The following EML4 variants were observed in gnomAD, a reference collection of about 807,000 sequenced individuals.
EML4 encodes the protein echinoderm microtubule-associated protein-like 4.
In EML4, 72 loss-of-function variants were observed where a neutral mutation model predicts 129.0. The ratio of observed to expected loss-of-function variants is 0.56; its 90% CI spans 0.46 to 0.68. EML4 has a LOEUF of 0.68. Ranked by LOEUF, EML4 falls within the 30% of genes least tolerant of loss-of-function variation. EML4 has a pLI of 0.00. For synonymous variants in EML4, 532 were observed against 405.0 expected (o/e 1.31, Z -3.77); for missense variants, 1,363 against 1,190.6 (o/e 1.14, Z -2.13).
chr2:42,300,890 C>T (rs1352658350), intron 13 of EML4, among the ~76,000 whole-genome samples: 1 of 152,066 alleles, frequency 6.6e-6, no homozygotes, highest in Admixed American at 6.6e-5. Context: ...AGAGTGACAC[C>T]TACCCTAGCT....
At chr2:42,181,923 A>T (rs1334856409) in intron 1 of EML4, among the ~76,000 whole-genome samples, 1 of 152,142 alleles carries the variant, frequency 6.6e-6, no homozygotes, top group East Asian at 1.9e-4. Context: ...AAAATTAAGG[A>T]ATATATTTAT....
chr2:42,295,832 A>G (rs1240794215), intron 13 of EML4, among the ~76,000 whole-genome samples: 1 of 152,216 alleles, frequency 6.6e-6, no homozygotes, highest in African/African-American at 2.4e-5. Context: ...TGGTTCTGGG[A>G]TATCTGTTAG....
intron 1 of EML4, among the ~76,000 whole-genome samples, chr2:42,233,350 G>C (rs891618306): frequency 2.6e-5 from 4 of 150,958 alleles, no homozygotes; most frequent in African/African-American, 7.3e-5. Context: ...CTGTCGCCCA[G>C]GCTGGAGTGC....
At chr2:42,179,854 GC>G (rs1372640060) in intron 1 of EML4, among the ~76,000 whole-genome samples, 2 of 152,150 alleles carry the variant, frequency 1.3e-5, no homozygotes, top group Non-Finnish European at 2.9e-5. Flanking sequence ...CACCCACCTA[GC>G]CTCCCAAAGT....
intron 1 of EML4, among the ~76,000 whole-genome samples, chr2:42,208,522 C>A (rs1672695003): frequency 6.6e-6 from 1 of 151,080 alleles, no homozygotes; most frequent in South Asian, 2.1e-4. Context: ...GCAACCTCCG[C>A]CCTCTGAGTT....
At position 42,261,258 on chromosome 2, in the gene EML4, A is replaced by T; in HGVS notation, c.476A>T (p.Gln159Leu). ...TCACAACCTCTCCAAATACACAGAC[A>T]AACTCCAGAAAGCAAGAATGCTACT... Reference protein sequence around the residue: ...PSSQPLQIHRQTPESKNATPT... With the variant: ...PSSQPLQIHRLTPESKNATPT... Residue 159 changes from glutamine to leucine, a missense_variant, in exon 4 of 23, where the codon CAA becomes CTA. Coordinates refer to ENST00000318522, the MANE Select transcript of EML4 (RefSeq NM_019063.5). 1 of 1,613,846 alleles carries T rather than the reference A, an allele frequency of 6.2e-7. No individual in the cohort carries two copies. The highest frequency in any genetic ancestry group is 8.5e-7 in the Non-Finnish European group (1 of 1,179,824).
chr2:42,317,670 T>TAGC, intron 19 of EML4, 146 bp downstream of exon 19: 1 of 591,908 alleles, frequency 1.7e-6, no homozygotes, highest in Non-Finnish European at 3.0e-6. Context: ...TAATACATGA[T>TAGC]AGCAGAACAT....
At chr2:42,182,491 C>A (rs10178087) in intron 1 of EML4, among the ~76,000 whole-genome samples, 21,883 of 152,016 alleles carry the variant, frequency 0.14, 1,595 homozygotes, top group East Asian at 0.18. Flanking sequence ...CCGTACTGTG[C>A]TGCTCCTCTG....
intron 2 of EML4, among the ~76,000 whole-genome samples, chr2:42,251,730 A>T (rs559885818): frequency 1.1e-4 from 16 of 152,334 alleles, no homozygotes; most frequent in African/African-American, 3.4e-4. Context: ...TAAATAGAAG[A>T]TTTGGGATAT....
intron 1 of EML4, among the ~76,000 whole-genome samples, chr2:42,234,102 C>T (rs535796018): frequency 5.9e-5 from 9 of 152,238 alleles, no homozygotes; most frequent in Admixed American, 1.3e-4. Flanking sequence ...ATCCTGCCTG[C>T]TTTTGCCTGT....
chr2:42,232,398 A>T (rs1004074407), intron 1 of EML4, among the ~76,000 whole-genome samples: 1 of 152,196 alleles, frequency 6.6e-6, no homozygotes, highest in Non-Finnish European at 1.5e-5. Context: ...GGGTCCATTT[A>T]TTGTAAAGAA....
intron 2 of EML4, among the ~76,000 whole-genome samples, chr2:42,248,003 T>A (rs1368168603): frequency 1.3e-5 from 2 of 152,166 alleles, no homozygotes; most frequent in South Asian, 2.1e-4. Flanking sequence ...TTAGTTTTTT[T>A]AAACTTTTTT....
At position 42,326,217 on chromosome 2, in the gene EML4, C is replaced by T. The variant is rs150527843; in HGVS notation, c.2306C>T (p.Thr769Met). 113 of 1,612,846 alleles carry T rather than the reference C, an allele frequency of 7.0e-5. No homozygotes were observed. Among genetic ancestry groups the T allele is most frequent in the Middle Eastern group, 1.6e-4 (1 of 6,080 alleles). Residue 769 changes from threonine to methionine, a missense_variant, in exon 21 of 23, where the codon ACG becomes ATG. Coordinates refer to ENST00000318522, the MANE Select transcript of EML4 (RefSeq NM_019063.5). ...TCGGATTGTAAGGACATTGATTGGA[C>T]GACATATACCTGTGTGCTAGGATTT... is the stretch of plus-strand genomic sequence containing the variant. Reference protein sequence around the residue: ...NRSDCKDIDWTTYTCVLGFQV... With the variant: ...NRSDCKDIDWMTYTCVLGFQV...
intron 1 of EML4, among the ~76,000 whole-genome samples, chr2:42,242,158 T>C (rs949855162): frequency 1.3e-5 from 2 of 152,196 alleles, no homozygotes; most frequent in African/African-American, 4.8e-5. Flanking sequence ...CTTGGCATTA[T>C]AGCCTGATGA....
At chr2:42,182,158 C>CTTTTTTTT (rs36105464) in intron 1 of EML4, among the ~76,000 whole-genome samples, 3 of 126,210 alleles carry the variant, frequency 2.4e-5, no homozygotes, top group Non-Finnish European at 5.0e-5. Context: ...AAAAATTCTT[C>CTTTTTTTT]TTTTTTTTTT....
chr2:42,296,292 C>T (rs189068562), intron 13 of EML4, among the ~76,000 whole-genome samples: 2 of 152,042 alleles, frequency 1.3e-5, no homozygotes, highest in Non-Finnish European at 2.9e-5. Flanking sequence ...CAGGTGGTAA[C>T]AGTAGAAATA....
chr2:42,209,245 G>GT (rs1558503959), intron 1 of EML4, among the ~76,000 whole-genome samples: 1 of 151,932 alleles, frequency 6.6e-6, no homozygotes, highest in Non-Finnish European at 1.5e-5. Flanking sequence ...AACTTTTCTG[G>GT]TTTTTTTCCT....
At chr2:42,282,340 G>A (rs922607637) in intron 7 of EML4, among the ~76,000 whole-genome samples, 15 of 147,170 alleles carry the variant, frequency 1.0e-4, no homozygotes, top group African/African-American at 3.8e-4. Context: ...TACTGAAAGA[G>A]TCAGGTTACG....
chr2:42,326,869 G>A (rs1429045260), intron 21 of EML4, among the ~76,000 whole-genome samples: 1 of 152,176 alleles, frequency 6.6e-6, no homozygotes, highest in Non-Finnish European at 1.5e-5. Context: ...GTGACAGAGT[G>A]AGACTCCAGC....
Sources: gnomAD v4.1 joint callset for allele counts (sites outside exome capture counted in the v4.1 genomes callset) on GRCh38, gnomAD v4.1.1 for gene constraint, MANE v1.5 for transcripts, NCBI Gene and HGNC (gene_info 2026-07-23, HGNC 2026-07-21) for gene names.